Variants in MCUB observed in about 807,000 individuals in gnomAD.
MCUB encodes mitochondrial calcium uniporter dominant negative subunit beta.
MCUB carries 46 observed loss-of-function variants against 41.4 expected under a neutral mutation model. That is an observed-to-expected ratio of 1.11 (90% CI 0.88 to 1.42). The LOEUF (loss-of-function observed/expected upper bound fraction) is 1.42, where lower values mean the gene tolerates loss of function less well. Among genes scored for constraint, MCUB ranks in the 40% most tolerant of loss-of-function variants. The pLI is 0.00. For missense variants in MCUB, 403 were observed against 404.9 expected (o/e 1.00, Z 0.04); for synonymous variants, 148 against 148.2 (o/e 1.00, Z 0.01).
At chr4:109,597,192 T>C (rs1193307662) in intron 1 of MCUB, among the ~76,000 whole-genome samples, 1 of 151,794 alleles carries the variant, frequency 6.6e-6, no homozygotes, top group Admixed American at 6.6e-5. Context: ...TTTCCCCCCT[T>C]TCTATTCCAC....
chr4:109,660,320 C>T lies in MCUB; in HGVS notation c.301C>T (p.Gln101Ter), dbSNP rs775027003. The T allele has an allele frequency of 1.2e-5, 20 of 1,608,134 alleles. No homozygotes were observed. The highest frequency in any genetic ancestry group is 1.7e-5 in the Non-Finnish European group (20 of 1,174,974). ...AGTTGGTTCATTCCTTCAGGACCTACAAAATGAAGATAAGGGTATCAAAAC... is the reference window on the plus strand; with the variant it reads ...AGTTGGTTCATTCCTTCAGGACCTATAAAATGAAGATAAGGGTATCAAAAC... ...STVGSFLQDLQNEDKGIKTAA... is the reference protein window; with the variant it reads ...STVGSFLQDL Residue 101 changes from glutamine (Q) to a stop codon, truncating the protein, a stop_gained, in exon 3 of 8, where the codon CAA becomes TAA. Coordinates refer to ENST00000394650, the MANE Select transcript of MCUB (RefSeq NM_017918.5). LOFTEE classifies it high-confidence loss of function.
At chr4:109,630,812 A>G (rs1216940116) in intron 1 of MCUB, among the ~76,000 whole-genome samples, 1 of 152,090 alleles carries the variant, frequency 6.6e-6, no homozygotes, top group African/African-American at 2.4e-5. Context: ...AACTCCCAAC[A>G]TCAGGTGACC....
intron 2 of MCUB, among the ~76,000 whole-genome samples, chr4:109,659,859 T>C (rs1296924974): frequency 6.6e-6 from 1 of 152,194 alleles, no homozygotes; most frequent in Non-Finnish European, 1.5e-5. Flanking sequence ...GGTTTCGCCA[T>C]GTTGCCCAGA....
At chr4:109,678,204 T>C (rs2126150128) in intron 4 of MCUB, among the ~76,000 whole-genome samples, 1 of 152,256 alleles carries the variant, frequency 6.6e-6, no homozygotes, top group East Asian at 1.9e-4. Context: ...TGGAGTCTCC[T>C]ATGTCTACTT....
intron 1 of MCUB, among the ~76,000 whole-genome samples, chr4:109,564,021 C>T (rs1184958952): frequency 2.0e-5 from 3 of 152,222 alleles, no homozygotes; most frequent in Admixed American, 2.0e-4. Flanking sequence ...CAAGATTTTC[C>T]TCTCTAAAGT....
intron 1 of MCUB, among the ~76,000 whole-genome samples, chr4:109,649,873 T>A (rs1337768602): frequency 6.6e-6 from 1 of 152,160 alleles, no homozygotes; most frequent in African/African-American, 2.4e-5. Flanking sequence ...TGCGTCCAGC[T>A]AGGACTCATT....
intron 4 of MCUB, among the ~76,000 whole-genome samples, chr4:109,679,214 G>A (rs913373341): frequency 3.3e-5 from 5 of 152,342 alleles, no homozygotes; most frequent in African/African-American, 7.2e-5. Flanking sequence ...TGGGTGGCCC[G>A]GCAGAGACAC....
At chr4:109,664,565 C>T (rs1729304379) in intron 4 of MCUB, among the ~76,000 whole-genome samples, 171 bp downstream of exon 4, 1 of 152,034 alleles carries the variant, frequency 6.6e-6, no homozygotes, top group Non-Finnish European at 1.5e-5. Flanking sequence ...GCTGGGACTA[C>T]CTGCATGCAC....
chr4:109,591,803 A>G (rs149772), intron 1 of MCUB, among the ~76,000 whole-genome samples: 54,164 of 151,482 alleles, frequency 0.36, 11,574 homozygotes, highest in South Asian at 0.55. Flanking sequence ...GGTTCAAGCA[A>G]TTCTCCTGCC....
At chr4:109,678,323 C>T (rs908972518) in intron 4 of MCUB, among the ~76,000 whole-genome samples, 6 of 152,188 alleles carry the variant, frequency 3.9e-5, no homozygotes, top group Admixed American at 2.0e-4. Flanking sequence ...TCTCGATGGT[C>T]GCTGTCTCTT....
chr4:109,601,581 T>C, intron 1 of MCUB, among the ~76,000 whole-genome samples: 1 of 152,226 alleles, frequency 6.6e-6, no homozygotes, highest in South Asian at 2.1e-4. Flanking sequence ...ATTCTTTTTT[T>C]AATGGCTGAA....
chr4:109,615,551 C>G (rs1440651292), intron 1 of MCUB, among the ~76,000 whole-genome samples: 4 of 151,962 alleles, frequency 2.6e-5, no homozygotes, highest in African/African-American at 9.7e-5. Context: ...GGACTACAGG[C>G]ATGCACCACC....
chr4:109,652,524 G>A (rs1280606023), intron 1 of MCUB, among the ~76,000 whole-genome samples: 1 of 152,144 alleles, frequency 6.6e-6, no homozygotes, highest in Admixed American at 6.5e-5. Context: ...AGATTGAGAG[G>A]TCGCATCTGG....
intron 1 of MCUB, among the ~76,000 whole-genome samples, chr4:109,590,862 T>C (rs972490224): frequency 1.3e-5 from 2 of 152,228 alleles, no homozygotes; most frequent in African/African-American, 4.8e-5. Context: ...TGGTGAGACA[T>C]GTAGAAAACC....
intron 1 of MCUB, among the ~76,000 whole-genome samples, chr4:109,573,859 AG>A (rs957823218): frequency 2.7e-5 from 4 of 147,918 alleles, no homozygotes; most frequent in African/African-American, 1.0e-4. Context: ...GATGATTAAA[AG>A]GGTTGAATTT....
intron 4 of MCUB, among the ~76,000 whole-genome samples, chr4:109,681,641 G>C (rs1479664135): frequency 6.6e-6 from 1 of 152,212 alleles, no homozygotes; most frequent in Non-Finnish European, 1.5e-5. Flanking sequence ...CTAGTGTTCA[G>C]CTCAATTAGG....
At chr4:109,680,838 C>T (rs1189899032) in intron 4 of MCUB, among the ~76,000 whole-genome samples, 1 of 152,200 alleles carries the variant, frequency 6.6e-6, no homozygotes, top group African/African-American at 2.4e-5. Flanking sequence ...TTCCCTTCCT[C>T]TCACCTTGTC....
In MCUB at chr4:109,603,122, C is replaced by T. The variant is rs144098893; in HGVS notation, c.99+42686C>T. Among the ~76,000 whole-genome samples, 550 of 152,268 alleles carry T rather than the reference C, an allele frequency of 3.6e-3. 7 individuals carry two copies. Among genetic ancestry groups the T allele is most frequent in the East Asian group, 0.014 (71 of 5,172 alleles). ...CTCCCTCTCCATAGTCTCTGTCTGCCGCTCTCCGCGGTCTCCCTCTGTTAC... is the reference window on the plus strand; with the variant it reads ...CTCCCTCTCCATAGTCTCTGTCTGCTGCTCTCCGCGGTCTCCCTCTGTTAC... On this transcript the variant is annotated intron_variant, in intron 1 of 7. Transcript: ENST00000394650.
At chr4:109,612,859 C>T (rs1728043686) in intron 1 of MCUB, among the ~76,000 whole-genome samples, 1 of 152,150 alleles carries the variant, frequency 6.6e-6, no homozygotes, top group Admixed American at 6.5e-5. Flanking sequence ...GTAATCCCAG[C>T]ACTTTGGGAG....
Sources: allele counts gnomAD v4.1 joint callset (sites outside exome capture counted in the v4.1 genomes callset), GRCh38; gene constraint gnomAD v4.1.1; transcripts MANE v1.5; gene names NCBI Gene and HGNC (gene_info 2026-07-23, HGNC 2026-07-21).